SCN2A: variants seen among roughly 807,000 people sequenced by gnomAD.
The protein encoded by SCN2A is sodium channel protein type 2 subunit alpha.
A neutral mutation model predicts 188.7 loss-of-function variants in SCN2A; 20 were observed. The ratio of observed to expected loss-of-function variants is 0.11; its 90% CI spans 0.07 to 0.15. The LOEUF (loss-of-function observed/expected upper bound fraction) is 0.15. Ranked by LOEUF, SCN2A falls within the 10% of genes least tolerant of loss-of-function variation. SCN2A has a pLI of 1.00. For missense variants in SCN2A, 1,278 were observed against 2,445.0 expected (o/e 0.52, Z 10.07); for synonymous variants, 804 against 833.1 (o/e 0.97, Z 0.60).
intron 1 of SCN2A, among the ~76,000 whole-genome samples, chr2:165,279,603 G>A (rs1486664024): frequency 6.6e-6 from 1 of 152,024 alleles, no homozygotes; most frequent in Admixed American, 6.6e-5. Context: ...GAAACAAACG[G>A]AAGAATGGAG....
chr2:165,354,770 A>G, intron 17 of SCN2A, 99 bp downstream of exon 17: 1 of 1,175,538 alleles, frequency 8.5e-7, no homozygotes, highest in South Asian at 1.4e-5. Context: ...CCTGTTAAGA[A>G]AATAGAAAAT....
chr2:165,298,343 G>A (rs1358433958), intron 3 of SCN2A, among the ~76,000 whole-genome samples: 2 of 152,154 alleles, frequency 1.3e-5, no homozygotes, highest in Non-Finnish European at 2.9e-5. Context: ...CTGGTACAGG[G>A]TACTTATGTC....
At chr2:165,360,610 A>C (rs1019947254) in intron 17 of SCN2A, among the ~76,000 whole-genome samples, 1 of 151,938 alleles carries the variant, frequency 6.6e-6, no homozygotes, top group African/African-American at 2.4e-5. Flanking sequence ...TTTTCAGAGC[A>C]TATAAAATTG....
At position 165,308,738 on chromosome 2, in the gene SCN2A, T is replaced by C. The variant is rs1237372557; in HGVS notation, c.549T>C (p.Asp183=). ...KILARGFCLE[D]FTFLRDPWNW... ...TTGCAAGGGGCTTTTGTTTAGAAGA[T>C]TTCACATTTTTACGGGATCCATGGA... Residue 183 remains aspartate, a synonymous_variant, in exon 5 of 27, where the codon GAT becomes GAC. Transcript: ENST00000375437. 21 of 1,612,988 alleles carry C rather than the reference T, an allele frequency of 1.3e-5. No individual in the cohort carries two copies. The highest frequency in any genetic ancestry group is 1.8e-5 in the Non-Finnish European group (21 of 1,179,152).
intron 1 of SCN2A, chr2:165,245,277 C>T (rs937309753): frequency 1.1e-4 from 17 of 152,140 alleles, no homozygotes; most frequent in African/African-American, 4.1e-4. Context: ...GGTTACCCTC[C>T]TGCTGTTCTT....
chr2:165,303,270 G>GTTTTTTTTTTTTTTTTTTTTTTTTT (rs71028477), intron 3 of SCN2A, among the ~76,000 whole-genome samples: 6 of 91,328 alleles, frequency 6.6e-5, no homozygotes, highest in Non-Finnish European at 1.3e-4. Flanking sequence ...TGTTATTTGA[G>GTTTTTTTTTTTTTTTTTTTTTTTTT]TTTTTTTTTT....
intron 24 of SCN2A, 160 bp downstream of exon 24, chr2:165,380,889 T>A: frequency 1.4e-6 from 1 of 715,252 alleles, no homozygotes; most frequent in Non-Finnish European, 2.3e-6. Context: ...AATTAATAAT[T>A]CAGATAGCAT....
At chr2:165,335,159 ATTG>A (rs559631900) in intron 14 of SCN2A, among the ~76,000 whole-genome samples, 105 of 151,862 alleles carry the variant, frequency 6.9e-4, no homozygotes, top group Non-Finnish European at 1.2e-3. Context: ...AGAGGAAAAT[ATTG>A]TTAAGATGGC....
chr2:165,303,270 G>GTTTTTTTTTTTTTTTTTTTTTTTTTTTT (rs71028477), intron 3 of SCN2A, among the ~76,000 whole-genome samples: 1 of 91,314 alleles, frequency 1.1e-5, no homozygotes, highest in African/African-American at 4.0e-5. Flanking sequence ...TGTTATTTGA[G>GTTTTTTTTTTTTTTTTTTTTTTTTTTTT]TTTTTTTTTT....
At chr2:165,277,686 G>A (rs1695405085) in intron 1 of SCN2A, among the ~76,000 whole-genome samples, 1 of 152,176 alleles carries the variant, frequency 6.6e-6, no homozygotes, top group Non-Finnish European at 1.5e-5. Context: ...TGTCTGCTCA[G>A]AACTTCTTCA....
chr2:165,366,661 T>G (rs1434974267), intron 18 of SCN2A, among the ~76,000 whole-genome samples: 1 of 139,504 alleles, frequency 7.2e-6, no homozygotes, highest in African/African-American at 2.7e-5. Flanking sequence ...CTGCAGTGCA[T>G]GAGCCGAGGT....
intron 16 of SCN2A, among the ~76,000 whole-genome samples, chr2:165,347,364 T>G (rs1290254614): frequency 6.6e-6 from 1 of 152,064 alleles, no homozygotes; most frequent in Non-Finnish European, 1.5e-5. Context: ...ACACTATATG[T>G]TCTCACTCAT....
intron 18 of SCN2A, among the ~76,000 whole-genome samples, chr2:165,366,419 A>G (rs905858293): frequency 6.6e-6 from 1 of 152,192 alleles, no homozygotes; most frequent in African/African-American, 2.4e-5. Flanking sequence ...CCAGATTTAA[A>G]GCAAACGAAG....
intron 1 of SCN2A, among the ~76,000 whole-genome samples, chr2:165,242,674 A>G (rs1284877994): frequency 1.3e-5 from 2 of 152,118 alleles, no homozygotes; most frequent in African/African-American, 4.8e-5. Flanking sequence ...TGTTGAGGGA[A>G]ATTTAACTTT....
At chr2:165,290,164 A>G (rs1696032568) in intron 1 of SCN2A, among the ~76,000 whole-genome samples, 1 of 152,154 alleles carries the variant, frequency 6.6e-6, no homozygotes, top group Non-Finnish European at 1.5e-5. Flanking sequence ...TACTGATCAG[A>G]TCAGGGTTAT....
intron 1 of SCN2A, chr2:165,273,277 GCA>G (rs1363296409): frequency 6.6e-6 from 1 of 152,092 alleles, no homozygotes; most frequent in Non-Finnish European, 1.5e-5. Context: ...AGTTGAATAA[GCA>G]CTCAAAGAAA....
chr2:165,289,397 T>TAG (rs1574507707), intron 1 of SCN2A, among the ~76,000 whole-genome samples: 2 of 152,198 alleles, frequency 1.3e-5, no homozygotes, highest in East Asian at 3.9e-4. Flanking sequence ...TATCAGAATT[T>TAG]AGAATCCCAA....
At position 165,354,666 on chromosome 2, in the gene SCN2A, A is replaced by G. The variant is rs1452072192; in HGVS notation, c.3394A>G (p.Lys1132Glu). 1 of 1,613,290 alleles carries G rather than the reference A, an allele frequency of 6.2e-7. No individual in the cohort carries two copies. The highest frequency in any genetic ancestry group is 1.1e-5 in the South Asian group (1 of 91,076). The change falls in exon 17 of 27, where the codon AAA becomes GAA. Residue 1132 changes from lysine to glutamate, a missense_variant. Lys to Glu is a moderately conservative substitution (Grantham distance 56). Around this residue, in one of 17 missense-constraint regions of SCN2A, gnomAD observed 228 missense variants for 297.3 expected, o/e 0.77. Coordinates refer to ENST00000375437, the MANE Select transcript of SCN2A (RefSeq NM_001040142.2). ...FSSESDMEES[K>E]EKLNATSSSE... ...CAGCGAGTCAGATATGGAGGAAAGCAAAGAGGTAAAAATGTTTAAATAAGG... is the reference window on the plus strand; with the variant it reads ...CAGCGAGTCAGATATGGAGGAAAGCGAAGAGGTAAAAATGTTTAAATAAGG...
intron 1 of SCN2A, among the ~76,000 whole-genome samples, chr2:165,292,852 T>C (rs1346838853): frequency 3.3e-5 from 5 of 152,314 alleles, no homozygotes; most frequent in East Asian, 3.9e-4. Flanking sequence ...ACTTATCCAA[T>C]AGGGTTGTGT....
Sources: gnomAD v4.1 joint callset for allele counts (sites outside exome capture counted in the v4.1 genomes callset) on GRCh38, gnomAD v4.1.1 for gene constraint, gnomAD v4.1.1 regional missense constraint, MANE v1.5 for transcripts, NCBI Gene and HGNC (gene_info 2026-07-23, HGNC 2026-07-21) for gene names.